DOK5: variants seen among roughly 807,000 people sequenced by gnomAD.
DOK5 encodes the protein downstream of tyrosine kinase 5.
In DOK5, 27 loss-of-function variants were observed where a neutral mutation model predicts 43.3. That is an observed-to-expected ratio of 0.62 (90% CI 0.46 to 0.86). The LOEUF is 0.86. Among genes scored for constraint, DOK5 ranks in the 40% least tolerant of loss-of-function variants. The pLI, the probability that DOK5 is intolerant of heterozygous loss-of-function variation, is 0.00. For missense variants in DOK5, 373 were observed against 392.9 expected, an observed-to-expected ratio of 0.95 and a Z score of 0.43; for synonymous variants, 146 against 140.1, an observed-to-expected ratio of 1.04 and a Z score of -0.30.
chr20:54,582,570 G>C (rs1469529262), intron 2 of DOK5, among the ~76,000 whole-genome samples: 1 of 151,508 alleles, frequency 6.6e-6, no homozygotes, highest in Admixed American at 6.6e-5. Flanking sequence ...AATAGTTACA[G>C]GTTTGTTCCA....
At chr20:54,540,676 C>A (rs1458249756) in intron 1 of DOK5, among the ~76,000 whole-genome samples, 1 of 152,084 alleles carries the variant, frequency 6.6e-6, no homozygotes, top group African/African-American at 2.4e-5. Flanking sequence ...ACCACCACAC[C>A]TGGATAATTT....
chr20:54,516,427 A>G (rs1368072161), intron 1 of DOK5, among the ~76,000 whole-genome samples: 1 of 152,242 alleles, frequency 6.6e-6, no homozygotes, highest in East Asian at 1.9e-4. Context: ...GGCTTTTACA[A>G]CAGATGGAAA....
intron 1 of DOK5, among the ~76,000 whole-genome samples, chr20:54,501,635 G>A (rs1183035579): frequency 6.6e-6 from 1 of 152,088 alleles, no homozygotes; most frequent in East Asian, 1.9e-4. Flanking sequence ...GTCATATGTA[G>A]AGTCCAATGT....
At chr20:54,568,726 C>T (rs891371228) in intron 2 of DOK5, among the ~76,000 whole-genome samples, 1 of 151,906 alleles carries the variant, frequency 6.6e-6, no homozygotes, top group African/African-American at 2.4e-5. Context: ...GTAAGGAGAT[C>T]GAGACCATCC....
At chr20:54,614,347 G>A (rs1008774912) in intron 6 of DOK5, among the ~76,000 whole-genome samples, 3 of 152,178 alleles carry the variant, frequency 2.0e-5, no homozygotes, top group South Asian at 4.1e-4. Flanking sequence ...GACAGAGGGA[G>A]GGGAATGCGA....
intron 2 of DOK5, among the ~76,000 whole-genome samples, chr20:54,577,594 C>T (rs914518091): frequency 2.0e-5 from 3 of 152,112 alleles, no homozygotes; most frequent in African/African-American, 7.2e-5. Context: ...AATCCTTGGC[C>T]AAAAGGAAAT....
At chr20:54,482,499 C>CT (rs1217983381) in intron 1 of DOK5, among the ~76,000 whole-genome samples, 4 of 151,924 alleles carry the variant, frequency 2.6e-5, no homozygotes, top group African/African-American at 7.3e-5. Flanking sequence ...TCATATACTC[C>CT]TTTTTTTTCC....
chr20:54,569,513 T>C (rs1985214823), intron 2 of DOK5, among the ~76,000 whole-genome samples: 1 of 152,212 alleles, frequency 6.6e-6, no homozygotes, highest in Non-Finnish European at 1.5e-5. Flanking sequence ...GTGCATCTAT[T>C]TTTATGTGCT....
intron 1 of DOK5, among the ~76,000 whole-genome samples, chr20:54,529,646 C>T (rs1600682878): frequency 6.6e-6 from 1 of 152,104 alleles, no homozygotes; most frequent in African/African-American, 2.4e-5. Context: ...TGTTGTGTAA[C>T]CATCATCACA....
At chr20:54,630,402 G>A (rs569278933) in intron 6 of DOK5, among the ~76,000 whole-genome samples, 1 of 152,310 alleles carries the variant, frequency 6.6e-6, no homozygotes, top group African/African-American at 2.4e-5. Flanking sequence ...GGAAGGGGAA[G>A]AGGTTGAGGG....
chr20:54,602,515 T>C (rs1291529974), intron 5 of DOK5, among the ~76,000 whole-genome samples: 1 of 152,186 alleles, frequency 6.6e-6, no homozygotes, highest in Non-Finnish European at 1.5e-5. Context: ...ATTTACTTTT[T>C]GATCTTTTTG....
At chr20:54,496,765 C>CAA (rs74179280) in intron 1 of DOK5, among the ~76,000 whole-genome samples, 11,039 of 58,868 alleles carry the variant, frequency 0.19, 939 homozygotes, top group African/African-American at 0.26. Context: ...GACTCCGTCT[C>CAA]AAAAAAAAAA....
chr20:54,544,886 A>G (rs937261127), intron 1 of DOK5, among the ~76,000 whole-genome samples: 4 of 152,218 alleles, frequency 2.6e-5, no homozygotes, highest in African/African-American at 9.6e-5. Context: ...TGTTATCTGC[A>G]GGAGTAATTG....
At chr20:54,546,399 C>CT (rs995431728) in intron 1 of DOK5, among the ~76,000 whole-genome samples, 14 of 151,494 alleles carry the variant, frequency 9.2e-5, no homozygotes, top group Admixed American at 2.0e-4. Context: ...GGATATATAT[C>CT]TTTTTTTTTA....
intron 1 of DOK5, among the ~76,000 whole-genome samples, chr20:54,484,694 T>C (rs919373266): frequency 5.3e-5 from 8 of 152,184 alleles, no homozygotes; most frequent in African/African-American, 1.7e-4. Flanking sequence ...TGTTTTCCTT[T>C]TGTCATTTTG....
chr20:54,646,157 T>C (rs1476519872), intron 7 of DOK5, among the ~76,000 whole-genome samples: 1 of 151,918 alleles, frequency 6.6e-6, no homozygotes, highest in Non-Finnish European at 1.5e-5. Flanking sequence ...TACCAGAATG[T>C]TACTCGATTT....
intron 2 of DOK5, among the ~76,000 whole-genome samples, chr20:54,581,096 A>C (rs1436721014): frequency 6.6e-6 from 1 of 152,004 alleles, no homozygotes; most frequent in South Asian, 2.1e-4. Flanking sequence ...TTTCATATGG[A>C]TATACAGATT....
At chr20:54,501,329 T>A (rs1982591796) in intron 1 of DOK5, among the ~76,000 whole-genome samples, 1 of 150,628 alleles carries the variant, frequency 6.6e-6, no homozygotes, top group African/African-American at 2.4e-5. Context: ...TAGCTGGGCG[T>A]GGTGGTGGGC....
chr20:54,514,278 C>T (rs906248430), intron 1 of DOK5, among the ~76,000 whole-genome samples: 2 of 152,188 alleles, frequency 1.3e-5, no homozygotes, highest in Non-Finnish European at 2.9e-5. Context: ...GCAAAGCCCT[C>T]ATCCTCCCAG....
Sources: allele counts gnomAD v4.1 joint callset (sites outside exome capture counted in the v4.1 genomes callset), GRCh38; gene constraint gnomAD v4.1.1; transcripts MANE v1.5; gene names NCBI Gene and HGNC (gene_info 2026-07-23, HGNC 2026-07-21).